Variants in PAX7 observed in about 807,000 individuals in gnomAD.
The protein encoded by PAX7 is paired box 7, also known as paired box protein Pax-7.
A neutral mutation model predicts 50.7 loss-of-function variants in PAX7; 18 were observed. The observed-to-expected ratio is 0.36, with a 90% CI of 0.25 to 0.53. PAX7 has a LOEUF of 0.53. PAX7 is among the 20% of genes least tolerant of loss of function. The pLI, the probability that PAX7 is intolerant of heterozygous loss-of-function variation, is 0.93. For synonymous variants in PAX7, 310 were observed against 290.4 expected (o/e 1.07, Z -0.69); for missense variants, 644 against 702.9 (o/e 0.92, Z 0.95).
At position 18,692,067 on chromosome 1, in the gene PAX7, CA is replaced by C. The variant is rs374805211; in HGVS notation, c.786+115del. 2.8e-3 allele frequency: 2,548 copies of C among 923,506 alleles called. 50 individuals carry two copies. In the South Asian group the frequency reaches 0.033, roughly 12 times the overall value. The allele number at this position is 923,506 out of a possible 1,614,324, so 57.2% of individuals were successfully genotyped here. On this transcript the variant is annotated intron_variant, in intron 5 of 8. Transcript: ENST00000420770. Reference sequence around the variant, plus strand: ...CCCCTCGGGGGGTTTACAACAGGTTCAGGGGGTTGTGTAGGCAAGTAATGCC... The same window carrying C: ...CCCCTCGGGGGGTTTACAACAGGTTCGGGGGTTGTGTAGGCAAGTAATGCC...
rs550098613 is a variant in PAX7, at chr1:18,634,458, G to A, written c.241G>A (p.Gly81Ser). The change falls in exon 2 of 9, where the codon GGC becomes AGC. Residue 81 changes from glycine (G) to serine (S), a missense_variant. Coordinates refer to ENST00000420770, the MANE Select transcript of PAX7 (RefSeq NM_001135254.2). The surrounding 1 kb of genome is among the most constrained non-coding windows in gnomAD (Gnocchi z 4.0). ...CTCCCGACAGCTGCGTGTCTCCCAC[G>A]GCTGCGTCTCCAAGATTCTTTGCCG... ...VISRQLRVSH[G>S]CVSKILCRYQ... 2 of 1,614,164 alleles carry A rather than the reference G, an allele frequency of 1.2e-6. No individual in the cohort carries two copies. Among genetic ancestry groups the A allele is most frequent in the Non-Finnish European group, 1.7e-6 (2 of 1,180,046 alleles).
chr1:18,681,690 AATTT>A (rs1414187690), intron 4 of PAX7, among the ~76,000 whole-genome samples: 4 of 145,250 alleles, frequency 2.8e-5, no homozygotes, highest in South Asian at 2.2e-4. Context: ...TAGGGCTTAG[AATTT>A]ATTTTATTTT....
intron 8 of PAX7, among the ~76,000 whole-genome samples, chr1:18,736,872 C>T (rs1930735014): frequency 1.3e-5 from 2 of 152,230 alleles, no homozygotes; most frequent in South Asian, 4.1e-4. Context: ...AGCCACATTT[C>T]AAGTGCTCAG....
intron 4 of PAX7, among the ~76,000 whole-genome samples, chr1:18,661,283 C>T (rs1425575270): frequency 1.3e-5 from 2 of 152,102 alleles, no homozygotes; most frequent in Non-Finnish European, 2.9e-5. Flanking sequence ...GGGAGAGTCC[C>T]GCTTTGGGGT....
intron 4 of PAX7, among the ~76,000 whole-genome samples, chr1:18,672,504 C>T (rs1000116083): frequency 5.3e-5 from 8 of 152,066 alleles, no homozygotes; most frequent in African/African-American, 1.9e-4. Context: ...TTTCAGGAAA[C>T]ACGAGGTGCA....
chr1:18,706,926 C>T (rs2089291805), intron 7 of PAX7, among the ~76,000 whole-genome samples: 1 of 152,150 alleles, frequency 6.6e-6, no homozygotes, highest in African/African-American at 2.4e-5. Context: ...GACATGCCTC[C>T]TCCAGTGGCT....
intron 4 of PAX7, among the ~76,000 whole-genome samples, chr1:18,647,100 C>T (rs919118466): frequency 5.9e-5 from 9 of 151,918 alleles, no homozygotes; most frequent in African/African-American, 2.2e-4. Context: ...CGCACAAAAC[C>T]CACAACAAAA....
intron 4 of PAX7, among the ~76,000 whole-genome samples, chr1:18,679,582 C>A (rs1570161334): frequency 1.3e-5 from 2 of 152,292 alleles, no homozygotes; most frequent in East Asian, 3.9e-4. Context: ...CCTCTGGCCC[C>A]TTAGTGCCTC....
In PAX7 at chr1:18,747,587, T is replaced by A. The variant is rs1042320557; in HGVS notation, c.*2658T>A. 13 of 212,010 alleles carry A rather than the reference T, an allele frequency of 6.1e-5. No homozygotes were observed. In the South Asian group the frequency reaches 7.5e-4, roughly 12 times the overall value. 13.1% of individuals were successfully genotyped at this position (212,010 alleles called of 1,614,324 possible). A position where few individuals can be genotyped will look rare whatever the true frequency, so the allele number is the denominator to read the frequency against. ...CATCTCTTTGGGGCTGACCACAGCC[T>A]GAGAAAGAAGGTCTGGGTTCCAGTG... On this transcript the variant is annotated 3_prime_UTR_variant, in exon 9 of 9. Coordinates refer to ENST00000420770, the MANE Select transcript of PAX7 (RefSeq NM_001135254.2).
intron 7 of PAX7, among the ~76,000 whole-genome samples, chr1:18,704,193 A>C (rs1212386911): frequency 6.6e-6 from 1 of 152,264 alleles, no homozygotes; most frequent in Non-Finnish European, 1.5e-5. Context: ...AAAGAAGGCC[A>C]GCAAGCTACA....
intron 7 of PAX7, among the ~76,000 whole-genome samples, chr1:18,716,024 C>T (rs1216564432): frequency 6.6e-6 from 1 of 152,098 alleles, no homozygotes; most frequent in African/African-American, 2.4e-5. Flanking sequence ...TGCCCTGCTC[C>T]CACCTCAGCC....
chr1:18,635,279 G>A (rs1161321224), intron 3 of PAX7, 39 bp downstream of exon 3: 2 of 1,609,446 alleles, frequency 1.2e-6, no homozygotes, highest in South Asian at 2.2e-5. Flanking sequence ...GGCCCAGAGT[G>A]TGGCCAGGGG....
chr1:18,716,059 C>G (rs1044971047), intron 7 of PAX7, among the ~76,000 whole-genome samples: 1 of 152,162 alleles, frequency 6.6e-6, no homozygotes, highest in Non-Finnish European at 1.5e-5. Flanking sequence ...CCTTCCCCAC[C>G]GGCCCTTCTC....
intron 7 of PAX7, among the ~76,000 whole-genome samples, chr1:18,710,720 C>T (rs2089339605): frequency 6.6e-6 from 1 of 152,052 alleles, no homozygotes; most frequent in South Asian, 2.1e-4. Flanking sequence ...CTGCGTTTGT[C>T]CACAATTACC....
chr1:18,697,124 G>A (rs960680091), intron 5 of PAX7, among the ~76,000 whole-genome samples: 4 of 152,100 alleles, frequency 2.6e-5, no homozygotes, highest in African/African-American at 7.2e-5. Flanking sequence ...GCTCAGGTTC[G>A]TTTCCTCTGT....
chr1:18,734,754 G>A (rs530627801), intron 7 of PAX7, among the ~76,000 whole-genome samples: 42 of 152,164 alleles, frequency 2.8e-4, no homozygotes, highest in Non-Finnish European at 5.0e-4. Context: ...CCTCTCCCCC[G>A]ACCGAGGGCA....
chr1:18,733,376 C>T (rs2089670783), intron 7 of PAX7, among the ~76,000 whole-genome samples: 2 of 152,162 alleles, frequency 1.3e-5, no homozygotes, highest in Non-Finnish European at 2.9e-5. Flanking sequence ...TCTAGACCCT[C>T]CCCAGCCCAG....
Position 18,700,645 on chromosome 1 carries a change from C to A in PAX7, c.787-8C>A. ...AGGGGTCTCCATTCTCTGCTCTCCA[C>A]CTCCCAGGTCTGGTTCAGTAACCGC... On this transcript the variant is annotated splice_polypyrimidine_tract_variant and splice_region_variant and intron_variant, in intron 5 of 8. Transcript: ENST00000420770. The surrounding 1 kb of genome is among the most constrained non-coding windows in gnomAD (Gnocchi z 4.8). 1 of 1,523,516 alleles carries A rather than the reference C, an allele frequency of 6.6e-7. No homozygotes were observed. Among genetic ancestry groups the A allele is most frequent in the Non-Finnish European group, 8.8e-7 (1 of 1,134,858 alleles). 94.4% of individuals were successfully genotyped at this position (1,523,516 alleles called of 1,614,324 possible). A position where few individuals can be genotyped will look rare whatever the true frequency, so the allele number is the denominator to read the frequency against.
At position 18,746,848 on chromosome 1, in the gene PAX7, A is replaced by G. The variant is rs1451474541; in HGVS notation, c.*1919A>G. On this transcript the variant is annotated 3_prime_UTR_variant, in exon 9 of 9. Transcript: ENST00000420770. ...GGCGATATCAAGCCTGTTCTGGACC[A>G]TGACCAGGCTGGCTCATATCTCTGG... 4.3e-6 allele frequency: 1 copy of G among 231,628 alleles called. No homozygotes were observed. Among genetic ancestry groups the G allele is most frequent in the Non-Finnish European group, 8.5e-6 (1 of 116,988 alleles). The allele number at this position is 231,628 out of a possible 1,614,324, so 14.3% of individuals were successfully genotyped here.
Sources: allele counts gnomAD v4.1 joint callset (sites outside exome capture counted in the v4.1 genomes callset), GRCh38; gene constraint gnomAD v4.1.1; non-coding constraint Gnocchi (gnomAD v3.1); transcripts MANE v1.5; gene names NCBI Gene and HGNC (gene_info 2026-07-23, HGNC 2026-07-21).